Variants in ZMYM4 observed in about 807,000 individuals in gnomAD.
ZMYM4 encodes the protein zinc finger MYM-type protein 4.
Under a neutral mutation model 183.2 loss-of-function variants are expected in ZMYM4, and 31 were observed. That is an observed-to-expected ratio of 0.17 (90% CI 0.13 to 0.23). The LOEUF (loss-of-function observed/expected upper bound fraction) is 0.23, where lower values mean the gene tolerates loss of function less well. Ranked by LOEUF, ZMYM4 falls within the 10% of genes least tolerant of loss-of-function variation. The pLI is 1.00. For synonymous variants in ZMYM4, 592 were observed against 631.2 expected, an observed-to-expected ratio of 0.94 and a Z score of 0.93; for missense variants, 1,273 against 1,840.3, an observed-to-expected ratio of 0.69 and a Z score of 5.64.
intron 1 of ZMYM4, among the ~76,000 whole-genome samples, chr1:35,269,715 G>A (rs773150004): frequency 6.6e-6 from 1 of 152,134 alleles, no homozygotes; most frequent in Non-Finnish European, 1.5e-5. Context: ...GGAAGAATAC[G>A]ACAAGTTTTC....
At chr1:35,350,813 A>G (rs1004122049) in intron 2 of ZMYM4, 10 of 512,954 alleles carry the variant, frequency 1.9e-5, no homozygotes, top group South Asian at 1.1e-4. Flanking sequence ...ACTGATTACT[A>G]TGCTTGGAAA....
chr1:35,280,507 G>A (rs1422301681), intron 1 of ZMYM4, among the ~76,000 whole-genome samples: 1 of 151,998 alleles, frequency 6.6e-6, no homozygotes, highest in Non-Finnish European at 1.5e-5. Context: ...TAGTTTCCTG[G>A]GTTTGCCATA....
intron 1 of ZMYM4, among the ~76,000 whole-genome samples, chr1:35,277,724 T>C (rs1350041785): frequency 3.9e-5 from 6 of 152,300 alleles, no homozygotes; most frequent in African/African-American, 1.2e-4. Flanking sequence ...TACCTTGTAA[T>C]ACGGTTTGTA....
chr1:35,283,735 T>G (rs568595979), intron 1 of ZMYM4, among the ~76,000 whole-genome samples: 12 of 152,174 alleles, frequency 7.9e-5, no homozygotes, highest in Non-Finnish European at 1.8e-4. Flanking sequence ...GTATATGTTC[T>G]CTGGAGAAAT....
intron 7 of ZMYM4, among the ~76,000 whole-genome samples, chr1:35,380,173 G>C (rs529493391): frequency 1.3e-5 from 2 of 152,228 alleles, no homozygotes; most frequent in South Asian, 4.1e-4. Flanking sequence ...AAAGTATCCT[G>C]CTAGTGTAAT....
chr1:35,406,569 A>C (rs184959991), intron 25 of ZMYM4, among the ~76,000 whole-genome samples: 2 of 152,280 alleles, frequency 1.3e-5, no homozygotes, highest in Non-Finnish European at 2.9e-5. Flanking sequence ...AATAGTGCAA[A>C]TGGAGAGGTA....
intron 2 of ZMYM4, chr1:35,351,557 CAAA>C (rs1372054280): frequency 6.0e-6 from 6 of 996,320 alleles, no homozygotes; most frequent in Non-Finnish European, 7.6e-6. Context: ...TCAGGTAACT[CAAA>C]AGAAGGCAAA....
chr1:35,362,956 A>G (rs1297463294), intron 5 of ZMYM4, among the ~76,000 whole-genome samples: 1 of 152,212 alleles, frequency 6.6e-6, no homozygotes, highest in Non-Finnish European at 1.5e-5. Flanking sequence ...AGATCACTTG[A>G]GGTCAGGAGT....
At chr1:35,329,283 A>G (rs1042581118) in intron 2 of ZMYM4, among the ~76,000 whole-genome samples, 1 of 152,368 alleles carries the variant, frequency 6.6e-6, no homozygotes, top group South Asian at 2.1e-4. Flanking sequence ...CTCCTGTGTC[A>G]GGACAATTTG....
chr1:35,313,873 C>T (rs948049095), intron 1 of ZMYM4, among the ~76,000 whole-genome samples: 8 of 151,958 alleles, frequency 5.3e-5, no homozygotes, highest in East Asian at 1.9e-4. Flanking sequence ...CTGAAAGGGC[C>T]GGTCTTTCAA....
chr1:35,400,498 C>T (rs1179804549), intron 23 of ZMYM4, among the ~76,000 whole-genome samples: 1 of 152,144 alleles, frequency 6.6e-6, no homozygotes, highest in Non-Finnish European at 1.5e-5. Context: ...AGCCACCGCG[C>T]CCGGCCAGTT....
chr1:35,359,072 A>T lies in ZMYM4; in HGVS notation c.233A>T (p.Asp78Val). The T allele has an allele frequency of 6.2e-7, 1 of 1,613,790 alleles. No individual in the cohort carries two copies. The highest frequency in any genetic ancestry group is 8.5e-7 in the Non-Finnish European group (1 of 1,179,746). The change falls in exon 3 of 30, where the codon GAT (aspartate) becomes GTT (valine). Residue 78 changes from aspartate (D) to valine (V), a missense_variant. By Grantham distance (152) the Asp-to-Val change is radical (BLOSUM62 -3). Coordinates refer to ENST00000314607, the MANE Select transcript of ZMYM4 (RefSeq NM_005095.3). Reference sequence around the variant, plus strand: ...GATGATTATTTTTTGAACTCTGGGGATCTTGCAGGAATTCCAGTCGTTGGT... The same window carrying T: ...GATGATTATTTTTTGAACTCTGGGGTTCTTGCAGGAATTCCAGTCGTTGGT... ...DEDDYFLNSG[D>V]LAGIPVVGSD...
At chr1:35,373,004 C>G (rs1644247960) in intron 7 of ZMYM4, among the ~76,000 whole-genome samples, 1 of 151,844 alleles carries the variant, frequency 6.6e-6, no homozygotes. Flanking sequence ...GGTAAAAATA[C>G]AAAAATTAGC....
intron 1 of ZMYM4, among the ~76,000 whole-genome samples, chr1:35,306,355 A>G (rs1641532874): frequency 6.6e-6 from 1 of 151,692 alleles, no homozygotes; most frequent in South Asian, 2.1e-4. Context: ...CCTTCTATGA[A>G]TGCTTGTTTA....
At chr1:35,345,608 G>A (rs910129008) in intron 2 of ZMYM4, among the ~76,000 whole-genome samples, 2 of 151,848 alleles carry the variant, frequency 1.3e-5, no homozygotes, top group African/African-American at 2.4e-5. Flanking sequence ...CCACTTCACC[G>A]GCTAATTTTT....
chr1:35,352,557 C>T (rs1298934045), intron 2 of ZMYM4, among the ~76,000 whole-genome samples: 2 of 152,190 alleles, frequency 1.3e-5, no homozygotes, highest in Non-Finnish European at 2.9e-5. Flanking sequence ...TGGGATCACT[C>T]CACTCTGACT....
In ZMYM4 at chr1:35,392,234, T is replaced by C; in HGVS notation, c.2610T>C (p.Ala870=). The C allele has an allele frequency of 6.2e-7, 1 of 1,614,216 alleles. No homozygotes were observed. Among genetic ancestry groups the C allele is most frequent in the Non-Finnish European group, 8.5e-7 (1 of 1,180,038 alleles). Residue 870 remains alanine (A), a synonymous_variant, in exon 16 of 30, where the codon GCT becomes GCC. Coordinates refer to ENST00000314607, the MANE Select transcript of ZMYM4 (RefSeq NM_005095.3). The part of the protein sequence containing the change: ...NNAANISMVQ[A]ASAGPPSLRK... ...CAGCAAATATTTCCATGGTTCAAGC[T>C]GCTTCAGCAGGACCCCCATCTCTGA...
At chr1:35,366,028 T>C (rs1245711033) in intron 5 of ZMYM4, 2 of 152,244 alleles carry the variant, frequency 1.3e-5, no homozygotes, top group Non-Finnish European at 2.9e-5. Flanking sequence ...GAGAGCTGAC[T>C]GCAGACCGTT....
intron 4 of ZMYM4, 62 bp downstream of exon 4, chr1:35,361,317 G>A: frequency 1.4e-6 from 2 of 1,469,674 alleles, no homozygotes; most frequent in South Asian, 1.3e-5. Context: ...TTTTCTTTAT[G>A]TCAGTTTCTA....
Sources: allele counts gnomAD v4.1 joint callset (sites outside exome capture counted in the v4.1 genomes callset), GRCh38; gene constraint gnomAD v4.1.1; transcripts MANE v1.5; gene names NCBI Gene and HGNC (gene_info 2026-07-23, HGNC 2026-07-21).